CD72: variants seen among roughly 807,000 people sequenced by gnomAD.
CD72 encodes B-cell differentiation antigen CD72.
In CD72, 28 loss-of-function variants were observed where a neutral mutation model predicts 50.7. That is an observed-to-expected ratio of 0.55 (90% CI 0.41 to 0.76). The LOEUF is 0.76. Among genes scored for constraint, CD72 ranks in the 30% least tolerant of loss-of-function variants. CD72 has a pLI of 0.00. For synonymous variants in CD72, 176 were observed against 171.2 expected (o/e 1.03, Z -0.22); for missense variants, 403 against 420.6 (o/e 0.96, Z 0.37).
intron 1 of CD72, among the ~76,000 whole-genome samples, chr9:35,627,082 C>A (rs1002453993): frequency 1.3e-5 from 2 of 151,122 alleles, no homozygotes; most frequent in African/African-American, 4.9e-5. Context: ...TCGTGATCTG[C>A]CCACCTCGGC....
At chr9:35,644,251 C>T (rs1362555550) in intron 1 of CD72, among the ~76,000 whole-genome samples, 1 of 139,098 alleles carries the variant, frequency 7.2e-6, no homozygotes, top group Non-Finnish European at 1.5e-5. Flanking sequence ...GAGGCTGAGG[C>T]AGGAGAATCG....
chr9:35,627,918 C>G (rs1216157682), intron 1 of CD72, among the ~76,000 whole-genome samples: 2 of 152,100 alleles, frequency 1.3e-5, no homozygotes, highest in South Asian at 4.2e-4. Flanking sequence ...TCACTGTAGC[C>G]TCAAACTCCT....
At chr9:35,640,057 ATGAC>A (rs1823324926) in intron 1 of CD72, among the ~76,000 whole-genome samples, 1 of 152,250 alleles carries the variant, frequency 6.6e-6, no homozygotes, top group Non-Finnish European at 1.5e-5. Context: ...TCCACCAAAA[ATGAC>A]TGAATTATTG....
intron 7 of CD72, 44 bp from the exon 8 acceptor site, chr9:35,610,797 C>T (rs778847851): frequency 7.2e-6 from 11 of 1,527,642 alleles, no homozygotes; most frequent in Admixed American, 1.7e-5. Flanking sequence ...CTGGACATAT[C>T]CCACCCTCCC....
chr9:35,618,297 C>T lies in CD72; in HGVS notation c.7G>A (p.Glu3Lys). The change falls in exon 1 of 9, where the codon GAG (glutamate) becomes AAG (lysine). Residue 3 changes from glutamate (E) to lysine (K), a missense_variant. By Grantham distance (56) the Glu-to-Lys change is moderately conservative. Coordinates refer to ENST00000259633, the MANE Select transcript of CD72 (RefSeq NM_001782.3). MA[E>K]AITYADLRFV... is the part of the protein sequence containing the mutation. Reference sequence around the variant, plus strand: ...CTCAGATCTGCATAGGTGATGGCCTCAGCCATGGTCCTGAGCAGCTCTGCC... The same window carrying T: ...CTCAGATCTGCATAGGTGATGGCCTTAGCCATGGTCCTGAGCAGCTCTGCC... 1 of 1,614,186 alleles carries T rather than the reference C, an allele frequency of 6.2e-7. No individual in the cohort carries two copies. Among genetic ancestry groups the T allele is most frequent in the Middle Eastern group, 1.6e-4 (1 of 6,062 alleles).
chr9:35,619,827 C>T (rs778768789), upstream of CD72, among the ~76,000 whole-genome samples: 34 of 152,166 alleles, frequency 2.2e-4, no homozygotes, highest in Non-Finnish European at 4.1e-4. Context: ...AATGACGGGT[C>T]ATTTTCAGAA....
At chr9:35,637,414 G>T (rs906228364) in intron 1 of CD72, among the ~76,000 whole-genome samples, 1 of 152,196 alleles carries the variant, frequency 6.6e-6, no homozygotes, top group Non-Finnish European at 1.5e-5. Flanking sequence ...CTAACTCTGT[G>T]AGGAGATCCA....
intron 1 of CD72, among the ~76,000 whole-genome samples, chr9:35,644,911 A>C (rs1428458858): frequency 1.4e-5 from 2 of 143,666 alleles, no homozygotes; most frequent in African/African-American, 5.0e-5. Context: ...CAAAAAAAAA[A>C]AAAAAAAAGG....
At chr9:35,629,023 C>A (rs908827070) in intron 1 of CD72, among the ~76,000 whole-genome samples, 2 of 152,054 alleles carry the variant, frequency 1.3e-5, no homozygotes, top group Admixed American at 1.3e-4. Flanking sequence ...TAAAGGCATG[C>A]ACCACAATGC....
intron 1 of CD72, among the ~76,000 whole-genome samples, chr9:35,641,756 G>A (rs915286042): frequency 1.8e-4 from 27 of 152,186 alleles, no homozygotes; most frequent in African/African-American, 6.0e-4. Context: ...TCTGCTTGGC[G>A]GTTCCCTTCT....
intron 1 of CD72, among the ~76,000 whole-genome samples, chr9:35,640,731 G>A (rs927551598): frequency 3.3e-5 from 5 of 152,212 alleles, no homozygotes; most frequent in Non-Finnish European, 7.3e-5. Context: ...AGCTCGAGCC[G>A]TAACAAACAT....
chr9:35,614,112 G>A (rs994278594), intron 5 of CD72, among the ~76,000 whole-genome samples: 13 of 152,162 alleles, frequency 8.5e-5, no homozygotes, highest in Non-Finnish European at 1.5e-4. Flanking sequence ...TGGAAGCCAT[G>A]TTAAGGATTT....
At chr9:35,616,328 T>C in intron 4 of CD72, 50 bp from the exon 5 acceptor site, 2 of 1,441,642 alleles carry the variant, frequency 1.4e-6, no homozygotes, top group South Asian at 1.2e-5. Context: ...CCTGCCCTAG[T>C]GCCCTGAGAC....
At chr9:35,638,726 C>T (rs970341985) in intron 1 of CD72, among the ~76,000 whole-genome samples, 6 of 151,328 alleles carry the variant, frequency 4.0e-5, no homozygotes, top group Admixed American at 6.6e-5. Flanking sequence ...CCCAGTCTCA[C>T]GCTGACAACC....
chr9:35,633,863 A>G (rs1823267732), intron 1 of CD72, among the ~76,000 whole-genome samples: 1 of 152,204 alleles, frequency 6.6e-6, no homozygotes, highest in Non-Finnish European at 1.5e-5. Flanking sequence ...CCTAAGTTAA[A>G]CCATTGTTAA....
intron 5 of CD72, among the ~76,000 whole-genome samples, 169 bp downstream of exon 5, chr9:35,615,774 T>C (rs1403493122): frequency 6.9e-6 from 1 of 144,820 alleles, no homozygotes; most frequent in Non-Finnish European, 1.5e-5. Context: ...AGTATGCAGC[T>C]TGGTCCTTCT....
At chr9:35,620,384 C>T (rs1465466198), upstream of CD72, among the ~76,000 whole-genome samples, 4 of 151,376 alleles carry the variant, frequency 2.6e-5, no homozygotes, top group Non-Finnish European at 5.9e-5. Context: ...GCAGGAGAAT[C>T]GCTTGAACCC....
intron 1 of CD72, among the ~76,000 whole-genome samples, chr9:35,626,583 C>T (rs1405777909): frequency 6.6e-6 from 1 of 152,170 alleles, no homozygotes; most frequent in Middle Eastern, 3.4e-3. Context: ...AGAAATCTTT[C>T]GTGAAAAGAA....
At chr9:35,630,060 G>A (rs1434653070) in intron 1 of CD72, among the ~76,000 whole-genome samples, 1 of 122,166 alleles carries the variant, frequency 8.2e-6, no homozygotes, top group Non-Finnish European at 1.7e-5. Flanking sequence ...TTTGGAGATG[G>A]GAGTCTTGCC....
Sources: gnomAD v4.1 joint callset for allele counts (sites outside exome capture counted in the v4.1 genomes callset) on GRCh38, gnomAD v4.1.1 for gene constraint, MANE v1.5 for transcripts, NCBI Gene and HGNC (gene_info 2026-07-23, HGNC 2026-07-21) for gene names.